RIMBP2: variants seen among roughly 807,000 people sequenced by gnomAD.
RIMBP2 encodes the protein RIMS-binding protein 2.
Under a neutral mutation model 118.6 loss-of-function variants are expected in RIMBP2, and 48 were observed. The observed-to-expected ratio is 0.40, with a 90% CI of 0.32 to 0.51. The LOEUF is 0.51. Among genes scored for constraint, RIMBP2 ranks in the 20% least tolerant of loss-of-function variants. The probability of loss-of-function intolerance (pLI) is 0.41; values close to 1 mark genes in which losing one functional copy is unlikely to be tolerated. For missense variants in RIMBP2, 1,551 were observed against 1,768.3 expected, an observed-to-expected ratio of 0.88 and a Z score of 2.20; for synonymous variants, 762 against 742.9, an observed-to-expected ratio of 1.03 and a Z score of -0.42.
chr12:130,615,192 TTAC>T (rs2060827633), intron 2 of RIMBP2, among the ~76,000 whole-genome samples: 1 of 146,256 alleles, frequency 6.8e-6, no homozygotes, highest in Non-Finnish European at 1.5e-5. Context: ...TATTACAATA[TTAC>T]AACATATACA....
Position 130,438,343 on chromosome 12 carries a change from C to CG in RIMBP2, c.1656+21_1656+22insC, listed in dbSNP as rs1555249188. The CG allele has an allele frequency of 3.4e-5, 49 of 1,431,042 alleles. 1 individual carries two copies. The East Asian group carries it at 1.1e-3, about 32-fold the overall frequency. The allele number at this position is 1,431,042 out of a possible 1,614,324, so 88.6% of individuals were successfully genotyped here. On this transcript the variant is annotated intron_variant, in intron 12 of 22. Coordinates refer to ENST00000690449, the MANE Select transcript of RIMBP2 (RefSeq NM_001393629.1). ...GCGTTAGGGCCTAACAAACCCTCCC[C>CG]ACCCACCCAACGAAAACTCACCCTC...
At chr12:130,579,466 T>C (rs144285780) in intron 2 of RIMBP2, among the ~76,000 whole-genome samples, 2,053 of 152,290 alleles carry the variant, frequency 0.013, 21 homozygotes, top group Non-Finnish European at 0.019. Context: ...TGGGAGCGGC[T>C]CTTGGGAGCG....
At chr12:130,497,154 G>A (rs1237920189) in intron 4 of RIMBP2, among the ~76,000 whole-genome samples, 1 of 152,048 alleles carries the variant, frequency 6.6e-6, no homozygotes, top group Non-Finnish European at 1.5e-5. Flanking sequence ...GTCACTGAAC[G>A]AGGGCCCTCC....
chr12:130,518,028 A>C (rs2051658964), intron 2 of RIMBP2, 111 bp from the exon 3 acceptor site: 1 of 199,788 alleles, frequency 5.0e-6, no homozygotes, highest in Non-Finnish European at 9.0e-6. Context: ...TTGGGCACTG[A>C]TTCTGCAATC....
rs543399264 is a variant in RIMBP2 at position 130,442,952 on chromosome 12, C to G, written c.692-292G>C. On this transcript the variant is annotated intron_variant, in intron 10 of 22. Coordinates refer to ENST00000690449, the MANE Select transcript of RIMBP2 (RefSeq NM_001393629.1). The surrounding 1 kb of genome is among the most constrained non-coding windows in gnomAD (Gnocchi z 6.9). ...GTACACTGACTACCCCCTCCCAACA[C>G]GAACAACACTCAGGGACAGCAGGGA... is the stretch of plus-strand genomic sequence containing the variant. Among the ~76,000 whole-genome samples, 1 of 152,160 alleles carries G rather than the reference C, an allele frequency of 6.6e-6. No individual in the cohort carries two copies. Among genetic ancestry groups the G allele is most frequent in the Non-Finnish European group, 1.5e-5 (1 of 68,030 alleles).
At chr12:130,691,666 G>T (rs550584327) in intron 1 of RIMBP2, among the ~76,000 whole-genome samples, 1 of 152,276 alleles carries the variant, frequency 6.6e-6, no homozygotes, top group South Asian at 2.1e-4. Flanking sequence ...GCAAGATCCT[G>T]TCTCAAAACA....
intron 10 of RIMBP2, among the ~76,000 whole-genome samples, chr12:130,444,753 C>T (rs760718818): frequency 7.2e-5 from 11 of 152,306 alleles, no homozygotes; most frequent in East Asian, 5.8e-4. Flanking sequence ...GCCACCTTCC[C>T]GTGAGGTCAC....
chr12:130,640,725 G>A (rs79780840), intron 1 of RIMBP2, among the ~76,000 whole-genome samples: 2,711 of 152,302 alleles, frequency 0.018, 70 homozygotes, highest in African/African-American at 0.062. Context: ...GGATTTGGAC[G>A]TCGGCATCTG....
chr12:130,478,051 C>T (rs1170275954), intron 5 of RIMBP2, among the ~76,000 whole-genome samples: 2 of 152,206 alleles, frequency 1.3e-5, no homozygotes, highest in East Asian at 1.9e-4. Context: ...GAGCACCACC[C>T]TCCTACCTAT....
chr12:130,485,651 T>C (rs1378635426), intron 4 of RIMBP2, among the ~76,000 whole-genome samples: 1 of 152,190 alleles, frequency 6.6e-6, no homozygotes, highest in East Asian at 1.9e-4. Context: ...TATTTAGTTC[T>C]GGGAAGGAAG....
chr12:130,683,448 A>C lies in RIMBP2; in HGVS notation c.-352+32774T>G, dbSNP rs2064894978. 6.6e-6 allele frequency among the ~76,000 whole-genome samples: 1 copy of C among 152,186 alleles called. No homozygotes were observed. Among genetic ancestry groups the C allele is most frequent in the Non-Finnish European group, 1.5e-5 (1 of 68,028 alleles). ...GATCACTGGCAATGAATGAACTAGG[A>C]AATAAATTCTCTGGTGGTATTGTCA... On this transcript the variant is annotated intron_variant, in intron 1 of 22. Transcript: ENST00000690449. The surrounding 1 kb of genome is among the most constrained non-coding windows in gnomAD (Gnocchi z 4.4).
intron 2 of RIMBP2, among the ~76,000 whole-genome samples, chr12:130,579,991 T>C (rs2058349895): frequency 7.2e-6 from 1 of 139,248 alleles, no homozygotes; most frequent in South Asian, 2.3e-4. Context: ...AAGACCAGCC[T>C]GGCCAACATG....
intron 14 of RIMBP2, among the ~76,000 whole-genome samples, chr12:130,433,856 C>T (rs544157762): frequency 2.8e-4 from 43 of 152,262 alleles, no homozygotes; most frequent in Non-Finnish European, 4.8e-4. Flanking sequence ...GCAGCCTCTA[C>T]TGCAGACTCC....
chr12:130,602,280 G>A (rs2059921868), intron 2 of RIMBP2, among the ~76,000 whole-genome samples: 1 of 152,162 alleles, frequency 6.6e-6, no homozygotes, highest in Non-Finnish European at 1.5e-5. Context: ...TGCTGAAGAC[G>A]ACACAGGCAC....
intron 2 of RIMBP2, among the ~76,000 whole-genome samples, chr12:130,518,622 T>G (rs7138071): frequency 0.11 from 16,326 of 152,156 alleles, 1,033 homozygotes; most frequent in Middle Eastern, 0.2. Context: ...AAAACTCATT[T>G]TTAGGCTCAG....
intron 10 of RIMBP2, among the ~76,000 whole-genome samples, chr12:130,443,056 G>A (rs1566047457): frequency 6.6e-6 from 1 of 152,178 alleles, no homozygotes; most frequent in Non-Finnish European, 1.5e-5. Flanking sequence ...TTAGAAGGAC[G>A]AGTCAGTCAA....
At chr12:130,652,057 T>C (rs1249891045) in intron 1 of RIMBP2, among the ~76,000 whole-genome samples, 1 of 152,228 alleles carries the variant, frequency 6.6e-6, no homozygotes, top group Admixed American at 6.5e-5. Context: ...AGTCTTCTGG[T>C]TTCTAGCATT....
intron 2 of RIMBP2, among the ~76,000 whole-genome samples, chr12:130,575,343 C>T (rs1449303849): frequency 2.0e-5 from 3 of 151,190 alleles, no homozygotes; most frequent in Non-Finnish European, 1.5e-5. Flanking sequence ...GCAAGAAACA[C>T]ACTTGAGAGG....
chr12:130,553,582 G>GA (rs1191432054), intron 2 of RIMBP2, among the ~76,000 whole-genome samples: 3 of 151,972 alleles, frequency 2.0e-5, no homozygotes, highest in African/African-American at 7.3e-5. Context: ...CGTCTCTACC[G>GA]AAAATACAAA....
Sources: gnomAD v4.1 joint callset for allele counts (sites outside exome capture counted in the v4.1 genomes callset) on GRCh38, gnomAD v4.1.1 for gene constraint, Gnocchi (gnomAD v3.1) non-coding constraint, MANE v1.5 for transcripts, NCBI Gene and HGNC (gene_info 2026-07-23, HGNC 2026-07-21) for gene names.